The following DENND1A variants were observed in gnomAD, a reference collection of about 807,000 sequenced individuals.
The protein encoded by DENND1A is DENN domain-containing protein 1A.
Under a neutral mutation model 113.7 loss-of-function variants are expected in DENND1A, and 51 were observed. The ratio of observed to expected loss-of-function variants is 0.45; its 90% confidence interval spans 0.36 to 0.57. The LOEUF (loss-of-function observed/expected upper bound fraction) is 0.57. Ranked by LOEUF, DENND1A falls within the 20% of genes least tolerant of loss-of-function variation. The pLI, the probability that DENND1A is intolerant of heterozygous loss-of-function variation, is 0.00. For missense variants in DENND1A, 1,258 were observed against 1,395.9 expected, an observed-to-expected ratio of 0.90 and a Z score of 1.57; for synonymous variants, 565 against 570.8, an observed-to-expected ratio of 0.99 and a Z score of 0.14.
At chr9:123,894,919 T>C (rs1850484543) in intron 1 of DENND1A, among the ~76,000 whole-genome samples, 1 of 152,152 alleles carries the variant, frequency 6.6e-6, no homozygotes, top group East Asian at 1.9e-4. Flanking sequence ...TGGGTTTGGC[T>C]AGGTGGAGAG....
At chr9:123,792,212 C>T (rs1041769578) in intron 3 of DENND1A, among the ~76,000 whole-genome samples, 2 of 152,160 alleles carry the variant, frequency 1.3e-5, no homozygotes, top group African/African-American at 4.8e-5. Flanking sequence ...ATAAACTTCC[C>T]TCTTCCCTCT....
chr9:123,895,534 A>T (rs942612498), intron 1 of DENND1A, among the ~76,000 whole-genome samples: 7 of 151,804 alleles, frequency 4.6e-5, no homozygotes, highest in Admixed American at 4.6e-4. Flanking sequence ...AGGTAGGAGA[A>T]TCACTTGAAC....
intron 13 of DENND1A, among the ~76,000 whole-genome samples, chr9:123,467,810 C>T (rs562103074): frequency 1.3e-5 from 2 of 152,284 alleles, no homozygotes; most frequent in Admixed American, 1.3e-4. Context: ...GAGCATGACA[C>T]TCAAGGCTCT....
intron 2 of DENND1A, among the ~76,000 whole-genome samples, chr9:123,818,222 A>G (rs1837831391): frequency 6.6e-6 from 1 of 151,116 alleles, no homozygotes; most frequent in Non-Finnish European, 1.5e-5. Context: ...CTCCTGCCTC[A>G]GCCTCCCGAG....
chr9:123,744,512 G>C (rs2069302777), intron 5 of DENND1A, among the ~76,000 whole-genome samples: 1 of 152,110 alleles, frequency 6.6e-6, no homozygotes. Context: ...AATGTTAAAG[G>C]TTTTGAATAT....
chr9:123,819,681 G>A (rs986833443), intron 2 of DENND1A, among the ~76,000 whole-genome samples: 2 of 152,010 alleles, frequency 1.3e-5, no homozygotes, highest in South Asian at 4.2e-4. Context: ...AGGACTACAG[G>A]TGCATGCCAC....
chr9:123,635,428 A>G (rs2061655990), intron 9 of DENND1A, among the ~76,000 whole-genome samples: 1 of 152,244 alleles, frequency 6.6e-6, no homozygotes, highest in African/African-American at 2.4e-5. Flanking sequence ...GTCTGTCAGA[A>G]TATAATGGCC....
At chr9:123,503,561 C>T (rs376571091) in intron 13 of DENND1A, among the ~76,000 whole-genome samples, 8 of 152,278 alleles carry the variant, frequency 5.3e-5, no homozygotes, top group East Asian at 1.9e-4. Flanking sequence ...ATCGGACTCA[C>T]GTAAAACTCA....
At chr9:123,440,581 C>A in intron 18 of DENND1A, 90 bp from the exon 19 acceptor site, 7 of 1,436,824 alleles carry the variant, frequency 4.9e-6, no homozygotes, top group Non-Finnish European at 6.4e-6. Context: ...TGCCAGGCGA[C>A]TCTCTCCGTG....
intron 13 of DENND1A, among the ~76,000 whole-genome samples, chr9:123,551,022 T>G (rs1320185208): frequency 6.6e-6 from 1 of 152,222 alleles, no homozygotes; most frequent in African/African-American, 2.4e-5. Flanking sequence ...ATAAATGAGC[T>G]GGAGCCTGGG....
In DENND1A at chr9:123,418,587, G is replaced by A. The variant is rs116577648; in HGVS notation, c.1489-6758C>T. 9.6e-3 allele frequency among the ~76,000 whole-genome samples: 1,458 copies of A among 152,278 alleles called. 38 individuals are homozygous for A. Among genetic ancestry groups the A allele is most frequent in the African/African-American group, 0.034 (1,406 of 41,548 alleles). ...GCTCGACGGCCAGGTGGTGACTTGGGGGCAGAGAGCGCAGTGTGTAGGGGA... is the reference window on the plus strand; with the variant it reads ...GCTCGACGGCCAGGTGGTGACTTGGAGGCAGAGAGCGCAGTGTGTAGGGGA... On this transcript the variant is annotated intron_variant, in intron 19 of 23. Transcript: ENST00000394215.
intron 1 of DENND1A, among the ~76,000 whole-genome samples, chr9:123,904,245 A>G (rs1449117682): frequency 6.6e-6 from 1 of 152,096 alleles, no homozygotes; most frequent in African/African-American, 2.4e-5. Flanking sequence ...GACCAAAAGT[A>G]GATAAAACCA....
At chr9:123,754,063 A>G (rs934697546) in intron 5 of DENND1A, among the ~76,000 whole-genome samples, 6 of 152,198 alleles carry the variant, frequency 3.9e-5, no homozygotes, top group African/African-American at 1.4e-4. Context: ...TTGAGAAGAA[A>G]TGGAAAGCAA....
At chr9:123,718,229 A>C (rs2067108451) in intron 5 of DENND1A, among the ~76,000 whole-genome samples, 1 of 152,244 alleles carries the variant, frequency 6.6e-6, no homozygotes, top group African/African-American at 2.4e-5. Context: ...TAGACGTACT[A>C]ATGTAAAATG....
At chr9:123,416,467 T>C (rs1206759947) in intron 19 of DENND1A, among the ~76,000 whole-genome samples, 1 of 152,210 alleles carries the variant, frequency 6.6e-6, no homozygotes, top group African/African-American at 2.4e-5. Flanking sequence ...AGCTTTAAAG[T>C]AGATGCAGCA....
At chr9:123,672,160 T>C (rs978831438) in intron 6 of DENND1A, among the ~76,000 whole-genome samples, 6 of 152,196 alleles carry the variant, frequency 3.9e-5, no homozygotes, top group African/African-American at 9.6e-5. Flanking sequence ...CTTTAGTAAG[T>C]TGCACAGCTA....
chr9:123,641,787 A>G (rs181850508), intron 9 of DENND1A, among the ~76,000 whole-genome samples: 1 of 152,356 alleles, frequency 6.6e-6, no homozygotes, highest in Admixed American at 6.5e-5. Flanking sequence ...CTGGTTCCAA[A>G]TCAGGCTGTG....
At chr9:123,475,954 C>T (rs556101432) in intron 13 of DENND1A, among the ~76,000 whole-genome samples, 4 of 152,182 alleles carry the variant, frequency 2.6e-5, no homozygotes, top group East Asian at 1.9e-4. Context: ...GAGGCCAAGG[C>T]GGGCAGATCA....
chr9:123,708,736 G>A (rs2066392660), intron 5 of DENND1A, among the ~76,000 whole-genome samples: 1 of 152,116 alleles, frequency 6.6e-6, no homozygotes. Flanking sequence ...CAATGAGCAT[G>A]TATTGATTAC....
Sources: gnomAD v4.1 joint callset for allele counts (sites outside exome capture counted in the v4.1 genomes callset) on GRCh38, gnomAD v4.1.1 for gene constraint, MANE v1.5 for transcripts, NCBI Gene and HGNC (gene_info 2026-07-23, HGNC 2026-07-21) for gene names.